The following PRRT4 variants were observed in gnomAD, a reference collection of about 807,000 sequenced individuals.
PRRT4 encodes the protein proline rich transmembrane protein 4.
Under a neutral mutation model 55.6 loss-of-function variants are expected in PRRT4, and 59 were observed. The ratio of observed to expected loss-of-function variants is 1.06; its 90% CI spans 0.86 to 1.32. PRRT4 has a LOEUF of 1.32. PRRT4 is among the 40% of genes most tolerant of loss of function. The pLI, the probability that PRRT4 is intolerant of heterozygous loss-of-function variation, is 0.00. For synonymous variants in PRRT4, 606 were observed against 601.8 expected (o/e 1.01, Z -0.10); for missense variants, 1,217 against 1,222.0 (o/e 1.00, Z 0.06).
exon 1 of PRRT4, chr7:128,361,570 G>C (rs1797260335): frequency 6.6e-6 from 1 of 152,528 alleles, no homozygotes; most frequent in East Asian, 1.9e-4. Flanking sequence ...CCAGGCGGGC[G>C]GCCAGGCCCC....
rs536688697 is a variant in PRRT4 at position 128,351,157 on chromosome 7, C to T, written c.2399G>A (p.Ser800Asn). The T allele has an allele frequency of 2.3e-5, 35 of 1,546,136 alleles. No individual in the cohort carries two copies. In the East Asian group the frequency reaches 8.1e-4, roughly 36 times the overall value. ...TCCGCAGAACGAGCCAGATGAGACG[C>T]TGCTGCCTGCGGGCCAAGCCCCAGG... Residue 800 changes from serine (S) to asparagine (N), a missense_variant, in exon 5 of 5, where the codon AGC (serine) becomes AAC (asparagine). This residue lies in a region of PRRT4 where 642 missense variants were observed against 600.9 expected (regional missense o/e 1.07). Transcript: ENST00000535159.
At chr7:128,352,633 G>A (rs1797021293) in exon 5 of PRRT4, 1 of 1,539,890 alleles carries the variant, frequency 6.5e-7, no homozygotes, top group Admixed American at 2.0e-5. Context: ...CCCGAGGCTG[G>A]CGGGAGGAGA....
intron 4 of PRRT4, 86 bp from the exon 6 acceptor site, chr7:128,352,764 A>C (rs1351310855): frequency 7.8e-7 from 1 of 1,286,586 alleles, no homozygotes; most frequent in African/African-American, 1.5e-5. Context: ...TGCCAGTCAG[A>C]GTCCCCTACC....
Position 128,359,905 on chromosome 7 carries a change from G to A in PRRT4, c.87C>T (p.Ile29=), listed in dbSNP as rs763558779. 5 of 1,451,178 alleles carry A rather than the reference G, an allele frequency of 3.4e-6. No individual in the cohort carries two copies. The South Asian group carries it at 7.2e-5, about 21-fold the overall frequency. 89.9% of individuals were successfully genotyped at this position (1,451,178 alleles called of 1,614,324 possible). A position where few individuals can be genotyped will look rare whatever the true frequency, so the allele number is the denominator to read the frequency against. ...TCAAAGTGGTGGCAGGGGCACCTGG[G>A]ATGGAGGGGGTGGGCTGGGGGCCCA... The change falls in exon 2 of 5, where the codon ATC becomes ATT. Residue 29 remains isoleucine, a synonymous_variant. Coordinates refer to ENST00000535159, the Ensembl canonical transcript of PRRT4.
At chr7:128,351,519 C>T (rs1796968944) in exon 5 of PRRT4, 4 of 1,490,812 alleles carry the variant, frequency 2.7e-6, no homozygotes, top group Non-Finnish European at 3.6e-6. Flanking sequence ...GCCCTGCCAG[C>T]GCGCACAGCT....
chr7:128,351,863 C>A, exon 5 of PRRT4: 1 of 1,341,576 alleles, frequency 7.5e-7, no homozygotes, highest in Non-Finnish European at 9.5e-7. Context: ...CCGAAGGTGC[C>A]CGCCACCGGG....
At chr7:128,350,817 G>C (rs1322299395), downstream of PRRT4, 2 of 1,542,370 alleles carry the variant, frequency 1.3e-6, no homozygotes, top group Admixed American at 2.0e-5. Context: ...GCAGGCGCCA[G>C]AAAGGGGCAT....
At chr7:128,351,674 G>C (rs1796975291) in exon 5 of PRRT4, 2 of 1,512,450 alleles carry the variant, frequency 1.3e-6, no homozygotes, top group Admixed American at 2.0e-5. Flanking sequence ...GGCGGCACGC[G>C]AGGACTGCAG....
At position 128,359,338 on chromosome 7, in the gene PRRT4, A is replaced by G; in HGVS notation, c.652+2T>C. On this transcript the variant is annotated splice_donor_variant, in intron 2 of 4. Transcript: ENST00000535159. LOFTEE classifies it high-confidence loss of function. ...TTTCCTTGGGATGGGGTGGTTACTC[A>G]CCAAAGGGTCCCAGGCGCCCAGCAA... The G allele has an allele frequency of 6.7e-7, 1 of 1,487,162 alleles. No individual in the cohort carries two copies. Among genetic ancestry groups the G allele is most frequent in the Non-Finnish European group, 8.9e-7 (1 of 1,120,396 alleles). The allele number at this position is 1,487,162 out of a possible 1,614,324, so 92.1% of individuals were successfully genotyped here.
chr7:128,352,121 C>CCGCCAG, exon 5 of PRRT4: 4 of 1,176,890 alleles, frequency 3.4e-6, no homozygotes, highest in Non-Finnish European at 4.2e-6. Flanking sequence ...GCGGCGGCGG[C>CCGCCAG]CGCCAGCCCC....
At chr7:128,359,783 G>C (rs1290371256) in exon 2 of PRRT4, 1 of 1,542,130 alleles carries the variant, frequency 6.5e-7, no homozygotes, top group Non-Finnish European at 8.8e-7. Context: ...CTCTGTGACT[G>C]GGCTCCCCCA....
At position 128,358,454 on chromosome 7, in the gene PRRT4, C is replaced by T. The variant is rs574566817; in HGVS notation, c.877+227G>A. Among the ~76,000 whole-genome samples the T allele has an allele frequency of 7.9e-5, 12 of 152,198 alleles. No individual in the cohort carries two copies. Among genetic ancestry groups the T allele is most frequent in the Admixed American group, 7.8e-4 (12 of 15,290 alleles). ...CATCTGTCTACATCCTGCTCTGCCT[C>T]TCATTGCAAAACACTCAGGGGACCA... is the stretch of plus-strand genomic sequence containing the variant. On this transcript the variant is annotated intron_variant, in intron 4 of 4. Transcript: ENST00000535159. The surrounding 1 kb of genome is among the most constrained non-coding windows in gnomAD (Gnocchi z 4.4).
intron 4 of PRRT4, among the ~76,000 whole-genome samples, chr7:128,354,839 A>G (rs1045243331): frequency 6.6e-6 from 1 of 152,170 alleles, no homozygotes; most frequent in African/African-American, 2.4e-5. Context: ...TCACATCCTC[A>G]AATCTGAAAT....
chr7:128,361,699 T>A (rs1016244845), upstream of PRRT4: 3 of 152,226 alleles, frequency 2.0e-5, no homozygotes, highest in Non-Finnish European at 4.4e-5. Context: ...CTGACGGCCC[T>A]CCCGTCCGCC....
chr7:128,358,784 AGTG>A lies in PRRT4; in HGVS notation c.771_773del (p.Thr258del). On this transcript the variant is annotated inframe_deletion, in exon 4 of 5. Coordinates refer to ENST00000535159, the Ensembl canonical transcript of PRRT4. This position sits in a 1 kb window ranked among gnomAD's most constrained non-coding sequence, Gnocchi z 4.4. ...CCAGGGAGTATGGGGGCAGGGACAG[AGTG>A]GTACCAAGGAACCCTGCAAAGGGAG... 1 of 1,546,976 alleles carries A rather than the reference AGTG, an allele frequency of 6.5e-7. No homozygotes were observed. The highest frequency in any genetic ancestry group is 8.7e-7 in the Non-Finnish European group (1 of 1,145,260).
In PRRT4 at chr7:128,352,422, G is replaced by A. The variant is rs1797009346; in HGVS notation, c.1134C>T (p.Ala378=). The A allele has an allele frequency of 3.3e-6, 5 of 1,537,230 alleles. No homozygotes were observed. The South Asian group carries it at 6.0e-5, about 18-fold the overall frequency. ...GGGCCAGAGCCAGCAGCGCCAGCAA[G>A]GCAACCAGGCCGAAGAGCGCGCCTA... The change falls in exon 5 of 5, where the codon GCC becomes GCT. Residue 378 remains alanine (A), a synonymous_variant. Transcript: ENST00000535159.
chr7:128,359,206 T>A, exon 3 of PRRT4: 1 of 1,551,726 alleles, frequency 6.4e-7, no homozygotes, highest in Non-Finnish European at 8.7e-7. Flanking sequence ...CCTGGGGGGC[T>A]CAGGCCGGAG....
chr7:128,354,805 G>C (rs569024232), intron 4 of PRRT4, among the ~76,000 whole-genome samples: 1 of 152,294 alleles, frequency 6.6e-6, no homozygotes, highest in African/African-American at 2.4e-5. Flanking sequence ...GCAAGTGGCA[G>C]CATGCGCCCT....
At chr7:128,359,346 G>A (rs1273235086) in exon 2 of PRRT4, 1 of 1,478,972 alleles carries the variant, frequency 6.8e-7, no homozygotes, top group Non-Finnish European at 9.0e-7. Flanking sequence ...TCACCAAAGG[G>A]TCCCAGGCGC....
Sources: allele counts gnomAD v4.1 joint callset (sites outside exome capture counted in the v4.1 genomes callset), GRCh38; gene constraint gnomAD v4.1.1; regional missense constraint gnomAD v4.1.1; non-coding constraint Gnocchi (gnomAD v3.1); transcripts MANE v1.5; gene names NCBI Gene and HGNC (gene_info 2026-07-23, HGNC 2026-07-21).